ATE1: variants seen among roughly 807,000 people sequenced by gnomAD.
ATE1 encodes the protein arginyl-tRNA--protein transferase 1.
In ATE1, 36 loss-of-function variants were observed where a neutral mutation model predicts 70.5. The ratio of observed to expected loss-of-function variants is 0.51; its 90% confidence interval spans 0.39 to 0.67. The LOEUF (loss-of-function observed/expected upper bound fraction) is 0.67. Among genes scored for constraint, ATE1 ranks in the 30% least tolerant of loss-of-function variants. ATE1 has a pLI of 0.00. For synonymous variants in ATE1, 232 were observed against 219.3 expected (o/e 1.06, Z -0.51); for missense variants, 593 against 629.5 (o/e 0.94, Z 0.62).
chr10:121,755,669 ATG>A (rs1944770094), intron 11 of ATE1, among the ~76,000 whole-genome samples: 1 of 152,218 alleles, frequency 6.6e-6, no homozygotes, highest in Non-Finnish European at 1.5e-5. Flanking sequence ...GAGCAAAGTC[ATG>A]TCTTACATGG....
At chr10:121,788,893 A>G (rs995609350) in intron 11 of ATE1, among the ~76,000 whole-genome samples, 2 of 152,232 alleles carry the variant, frequency 1.3e-5, no homozygotes, top group African/African-American at 4.8e-5. Flanking sequence ...CCTGTCTTAC[A>G]AAGCCACGGC....
chr10:121,848,483 T>C (rs1948924904), intron 8 of ATE1, among the ~76,000 whole-genome samples: 1 of 149,978 alleles, frequency 6.7e-6, no homozygotes. Context: ...CCAGGTGTGG[T>C]GGTGGGGGCC....
Position 121,836,727 on chromosome 10 carries a change from C to T in ATE1, c.1248G>A (p.Met416Ile). ...MGFYIHSCPKMKYKGQYRPSD... is the reference protein window; with the variant it reads ...MGFYIHSCPKIKYKGQYRPSD... ...TGAAAATCAACTTTACCTTATATTTCATCTTGGGACATGAATGAATGTAGA... is the reference window on the plus strand; with the variant it reads ...TGAAAATCAACTTTACCTTATATTTTATCTTGGGACATGAATGAATGTAGA... The change falls in exon 10 of 12, where the codon ATG (methionine) becomes ATA (isoleucine). Residue 416 changes from methionine to isoleucine, a missense_variant. This residue lies in a region of ATE1 where 36 missense variants were observed against 66.3 expected (regional missense o/e 0.54). Coordinates refer to ENST00000224652, the MANE Select transcript of ATE1 (RefSeq NM_001001976.3). 6.5e-7 allele frequency: 1 copy of T among 1,531,890 alleles called. No homozygotes were observed. The highest frequency in any genetic ancestry group is 1.4e-5 in the African/African-American group (1 of 71,718). The allele number at this position is 1,531,890 out of a possible 1,614,324, so 94.9% of individuals were successfully genotyped here.
At chr10:121,773,625 G>T (rs1945612140) in intron 11 of ATE1, among the ~76,000 whole-genome samples, 1 of 149,986 alleles carries the variant, frequency 6.7e-6, no homozygotes, top group Non-Finnish European at 1.5e-5. Context: ...TTACATCCAG[G>T]GACTTTTTTT....
intron 10 of ATE1, among the ~76,000 whole-genome samples, chr10:121,802,166 C>T (rs1265326587): frequency 6.6e-6 from 1 of 152,102 alleles, no homozygotes; most frequent in African/African-American, 2.4e-5. Context: ...GCTCTCCAGT[C>T]GAGAGATAAC....
chr10:121,895,360 A>G (rs968224521), intron 7 of ATE1, among the ~76,000 whole-genome samples: 59 of 152,222 alleles, frequency 3.9e-4, no homozygotes, highest in Non-Finnish European at 7.2e-4. Flanking sequence ...CTGTAGTCCT[A>G]GCACCTCGGG....
At chr10:121,927,759 G>T in intron 1 of ATE1, 85 bp downstream of exon 1, 1 of 1,439,230 alleles carries the variant, frequency 6.9e-7, no homozygotes, top group Non-Finnish European at 9.2e-7. Context: ...AGGGGCTCCG[G>T]CCCCCTCGCG....
In ATE1 at chr10:121,741,762, A is replaced by C. The variant is rs1944154737; in HGVS notation, c.*1918T>G. On this transcript the variant is annotated 3_prime_UTR_variant, in exon 12 of 12. Coordinates refer to ENST00000224652, the MANE Select transcript of ATE1 (RefSeq NM_001001976.3). ...TTTATTTCACATTTCAGACATGTCC[A>C]TAATTTACTGTTGAGGAAATAAAAC... is the stretch of plus-strand genomic sequence containing the variant. 1 of 152,232 alleles carries C rather than the reference A, an allele frequency of 6.6e-6. No homozygotes were observed. The highest frequency in any genetic ancestry group is 6.5e-5 in the Admixed American group (1 of 15,288). The allele number at this position is 152,232 out of a possible 1,614,324, so 9.4% of individuals were successfully genotyped here. A position where few individuals can be genotyped will look rare whatever the true frequency, so the allele number is the denominator to read the frequency against.
At chr10:121,759,322 C>A (rs1944936671) in intron 11 of ATE1, among the ~76,000 whole-genome samples, 1 of 152,198 alleles carries the variant, frequency 6.6e-6, no homozygotes, top group Non-Finnish European at 1.5e-5. Flanking sequence ...CCCTAACTCT[C>A]TTCAATTCTC....
chr10:121,745,681 G>GT (rs1944337865), intron 11 of ATE1, among the ~76,000 whole-genome samples: 1 of 152,062 alleles, frequency 6.6e-6, no homozygotes, highest in Non-Finnish European at 1.5e-5. Context: ...GAGCCGAGAT[G>GT]GCATCACTGC....
rs538149321 is a variant in ATE1, at chr10:121,884,745, T to C, written c.943-14707A>G. 4.6e-5 allele frequency among the ~76,000 whole-genome samples: 7 copies of C among 152,306 alleles called. No individual in the cohort carries two copies. In the South Asian group the frequency reaches 1.2e-3, roughly 27 times the overall value. On this transcript the variant is annotated intron_variant, in intron 7 of 11. Coordinates refer to ENST00000224652, the MANE Select transcript of ATE1 (RefSeq NM_001001976.3). ...GAGATATAACAGTGTCTCTCTCCAA[T>C]AGTAAATGACTGAAAAGCTTTGGTC...
chr10:121,863,868 C>T (rs1949566771), intron 8 of ATE1, among the ~76,000 whole-genome samples: 1 of 152,228 alleles, frequency 6.6e-6, no homozygotes, highest in African/African-American at 2.4e-5. Context: ...CCTGCCTCAG[C>T]CTCCTGAGTT....
chr10:121,903,963 T>C (rs1363915556), intron 5 of ATE1, among the ~76,000 whole-genome samples: 1 of 151,602 alleles, frequency 6.6e-6, no homozygotes, highest in African/African-American at 2.4e-5. Flanking sequence ...TTCTTTGTAG[T>C]GTTCTCTTTT....
chr10:121,787,230 A>G (rs1946252107), intron 11 of ATE1, among the ~76,000 whole-genome samples: 1 of 152,232 alleles, frequency 6.6e-6, no homozygotes, highest in African/African-American at 2.4e-5. Context: ...ACAACTGGAA[A>G]GAGAAACAAG....
At chr10:121,926,889 A>G (rs1212961188) in intron 1 of ATE1, 10 of 985,314 alleles carry the variant, frequency 1.0e-5, no homozygotes, top group Non-Finnish European at 1.2e-5. Context: ...TAACGATTGC[A>G]TAACTGTCTA....
intron 11 of ATE1, among the ~76,000 whole-genome samples, chr10:121,749,982 T>C (rs1280184838): frequency 1.3e-5 from 2 of 152,224 alleles, no homozygotes; most frequent in African/African-American, 4.8e-5. Context: ...TTCTGTGGTC[T>C]TACACTCACT....
intron 11 of ATE1, among the ~76,000 whole-genome samples, chr10:121,783,155 T>C (rs1946066548): frequency 6.6e-6 from 1 of 150,472 alleles, no homozygotes; most frequent in South Asian, 2.1e-4. Context: ...CCTTGTGAGG[T>C]AGTTACATGC....
At chr10:121,910,320 G>A (rs1377267720) in intron 5 of ATE1, among the ~76,000 whole-genome samples, 5 of 152,054 alleles carry the variant, frequency 3.3e-5, no homozygotes, top group East Asian at 3.9e-4. Flanking sequence ...CACATTTCAC[G>A]AAATAATTTT....
At position 121,841,133 on chromosome 10, in the gene ATE1, T is replaced by C. The variant is rs1948614213; in HGVS notation, c.1106A>G (p.Tyr369Cys). The C allele has an allele frequency of 1.3e-6, 2 of 1,587,306 alleles. No individual in the cohort carries two copies. The highest frequency in any genetic ancestry group is 8.6e-7 in the Non-Finnish European group (1 of 1,163,596). Residue 369 changes from tyrosine (Y) to cysteine (C), a missense_variant, in exon 9 of 12, where the codon TAC becomes TGC. Physicochemically the swap from Tyr to Cys is radical, Grantham distance 194. Around this residue, in one of 3 missense-constraint regions of ATE1, gnomAD observed 467 missense variants for 469.6 expected, o/e 0.99. Transcript: ENST00000224652. ...LPNCVSSVYL[Y>C]YDPDYSFLSL... ...CAAAAACGAATAATCAGGATCGTAG[T>C]ACAAATACACAGATGATACACAGTT... is the stretch of plus-strand genomic sequence containing the variant.
Sources: gnomAD v4.1 joint callset for allele counts (sites outside exome capture counted in the v4.1 genomes callset) on GRCh38, gnomAD v4.1.1 for gene constraint, gnomAD v4.1.1 regional missense constraint, MANE v1.5 for transcripts, NCBI Gene and HGNC (gene_info 2026-07-23, HGNC 2026-07-21) for gene names.